POU6F2: variants seen among roughly 807,000 people sequenced by gnomAD.
POU6F2 encodes the protein POU domain, class 6, transcription factor 2.
In POU6F2, 31 loss-of-function variants were observed where a neutral mutation model predicts 71.3. The observed-to-expected ratio is 0.43, with a 90% CI of 0.33 to 0.59. POU6F2 has a LOEUF of 0.59. Among genes scored for constraint, POU6F2 ranks in the 20% least tolerant of loss-of-function variants. The pLI, the probability that POU6F2 is intolerant of heterozygous loss-of-function variation, is 0.04. For missense variants in POU6F2, 783 were observed against 856.8 expected, an observed-to-expected ratio of 0.91 and a Z score of 1.07; for synonymous variants, 347 against 355.7, an observed-to-expected ratio of 0.98 and a Z score of 0.27.
chr7:39,183,750 A>G (rs1473046033), intron 2 of POU6F2, among the ~76,000 whole-genome samples: 2 of 152,212 alleles, frequency 1.3e-5, no homozygotes, highest in African/African-American at 4.8e-5. Flanking sequence ...TCTTAGCCCT[A>G]ATAATGCCAA....
intron 1 of POU6F2, among the ~76,000 whole-genome samples, chr7:38,981,644 C>T (rs1371319727): frequency 6.6e-6 from 1 of 152,108 alleles, no homozygotes; most frequent in East Asian, 1.9e-4. Context: ...GTTGACATTG[C>T]TAAAGTACTA....
intron 4 of POU6F2, among the ~76,000 whole-genome samples, chr7:39,216,414 C>T (rs965457519): frequency 2.6e-5 from 4 of 151,968 alleles, no homozygotes; most frequent in Non-Finnish European, 4.4e-5. Flanking sequence ...CAATTGGAGA[C>T]GGTTTAAAAT....
chr7:39,362,294 A>AG (rs1226567836), intron 5 of POU6F2, among the ~76,000 whole-genome samples: 2 of 152,064 alleles, frequency 1.3e-5, no homozygotes, highest in Non-Finnish European at 2.9e-5. Context: ...AAAAAAAAAA[A>AG]AAAGTGGGGA....
chr7:39,444,885 A>G (rs1788486801), intron 7 of POU6F2, among the ~76,000 whole-genome samples: 1 of 152,200 alleles, frequency 6.6e-6, no homozygotes, highest in Non-Finnish European at 1.5e-5. Flanking sequence ...GACAAAAGTT[A>G]ACAGGACTTT....
chr7:39,086,655 A>G (rs1791251502), intron 2 of POU6F2, among the ~76,000 whole-genome samples: 1 of 152,158 alleles, frequency 6.6e-6, no homozygotes, highest in Admixed American at 6.5e-5. Flanking sequence ...TGTTTATAGC[A>G]TCATAACTAA....
At chr7:39,451,508 A>AT (rs759882947) in intron 7 of POU6F2, 25 bp from the exon 8 acceptor site, 28 of 1,582,994 alleles carry the variant, frequency 1.8e-5, no homozygotes, top group Admixed American at 7.0e-5. Context: ...TCATTTGTGT[A>AT]TTTTTTTTAC....
chr7:39,350,413 G>GT (rs557298537), intron 5 of POU6F2, among the ~76,000 whole-genome samples: 53 of 152,154 alleles, frequency 3.5e-4, no homozygotes, highest in African/African-American at 9.9e-4. Context: ...TGGAAACTTG[G>GT]TTTTTTGGGG....
chr7:39,185,188 C>A (rs1172592524), intron 2 of POU6F2, among the ~76,000 whole-genome samples: 1 of 151,296 alleles, frequency 6.6e-6, no homozygotes, highest in Non-Finnish European at 1.5e-5. Context: ...ATTAGAACAG[C>A]ATTACAATAG....
intron 4 of POU6F2, among the ~76,000 whole-genome samples, chr7:39,221,384 C>CTCT (rs1554333308): frequency 6.9e-5 from 6 of 86,336 alleles, no homozygotes; most frequent in African/African-American, 9.6e-5. Flanking sequence ...CTCTCTCTCT[C>CTCT]TTTTTTTTTT....
intron 7 of POU6F2, among the ~76,000 whole-genome samples, chr7:39,448,071 A>C (rs1788566063): frequency 2.0e-5 from 3 of 152,200 alleles, no homozygotes; most frequent in Admixed American, 1.3e-4. Context: ...TAATACACCA[A>C]AAACATTAAA....
chr7:39,430,704 T>C (rs1788080440), intron 6 of POU6F2, among the ~76,000 whole-genome samples: 1 of 152,182 alleles, frequency 6.6e-6, no homozygotes, highest in Non-Finnish European at 1.5e-5. Flanking sequence ...GTGCTCACCC[T>C]GAACCATTCT....
At chr7:39,300,013 T>C (rs1784924610) in intron 4 of POU6F2, among the ~76,000 whole-genome samples, 1 of 152,080 alleles carries the variant, frequency 6.6e-6, no homozygotes, top group Non-Finnish European at 1.5e-5. Flanking sequence ...TAGGCCGCCT[T>C]ACTTCCCACT....
chr7:39,320,143 T>G (rs1221749744), intron 4 of POU6F2, among the ~76,000 whole-genome samples: 3 of 151,928 alleles, frequency 2.0e-5, no homozygotes, highest in Non-Finnish European at 2.9e-5. Flanking sequence ...ACCTGGGAGG[T>G]CCAGAGGCTA....
intron 5 of POU6F2, 32 bp from the exon 6 acceptor site, chr7:39,406,568 G>T: frequency 6.2e-7 from 1 of 1,607,668 alleles, no homozygotes; most frequent in South Asian, 1.1e-5. Flanking sequence ...GCCTCTCGGT[G>T]GTTTTCACGG....
intron 4 of POU6F2, 87 bp from the exon 5 acceptor site, chr7:39,339,555 T>A: frequency 6.9e-7 from 1 of 1,457,408 alleles, no homozygotes; most frequent in South Asian, 1.4e-5. Context: ...AGGAAACCCT[T>A]CTCCACTTGC....
chr7:39,353,925 G>T (rs1484286916), intron 5 of POU6F2, among the ~76,000 whole-genome samples: 1 of 152,190 alleles, frequency 6.6e-6, no homozygotes, highest in Non-Finnish European at 1.5e-5. Flanking sequence ...CATAATGTCG[G>T]GTTACAGCTG....
intron 8 of POU6F2, among the ~76,000 whole-genome samples, chr7:39,458,395 T>TA (rs201099896): frequency 4.2e-3 from 633 of 151,074 alleles, no homozygotes; most frequent in Non-Finnish European, 6.8e-3. Flanking sequence ...CTTTTTTTTT[T>TA]ATGTAAACAC....
intron 5 of POU6F2, among the ~76,000 whole-genome samples, chr7:39,345,848 A>G (rs1430064414): frequency 6.6e-6 from 1 of 152,228 alleles, no homozygotes; most frequent in African/African-American, 2.4e-5. Context: ...ATGCTTTTGT[A>G]TGCTATAAAT....
chr7:39,336,663 C>G (rs79337985), intron 4 of POU6F2, among the ~76,000 whole-genome samples: 1,729 of 152,290 alleles, frequency 0.011, 43 homozygotes, highest in African/African-American at 0.039. Flanking sequence ...AGCTCCCAGA[C>G]ATACCTGGAG....
Sources: allele counts gnomAD v4.1 joint callset (sites outside exome capture counted in the v4.1 genomes callset), GRCh38; gene constraint gnomAD v4.1.1; transcripts MANE v1.5; gene names NCBI Gene and HGNC (gene_info 2026-07-23, HGNC 2026-07-21).